Variants in TOPAZ1 observed in about 807,000 individuals in gnomAD.
TOPAZ1 encodes the protein protein TOPAZ1.
A neutral mutation model predicts 172.2 loss-of-function variants in TOPAZ1; 66 were observed. That is an observed-to-expected ratio of 0.38 (90% CI 0.31 to 0.47). The LOEUF (loss-of-function observed/expected upper bound fraction) is 0.47. Among genes scored for constraint, TOPAZ1 ranks in the 20% least tolerant of loss-of-function variants. The pLI, the probability that TOPAZ1 is intolerant of heterozygous loss-of-function variation, is 0.99. For synonymous variants in TOPAZ1, 681 were observed against 683.9 expected, an observed-to-expected ratio of 1.00 and a Z score of 0.07; for missense variants, 1,822 against 1,972.4, an observed-to-expected ratio of 0.92 and a Z score of 1.44.
rs139669319 is a variant in TOPAZ1 at position 44,271,163 on chromosome 3, A to G, written c.3372+353A>G. On this transcript the variant is annotated intron_variant, in intron 8 of 19. Coordinates refer to ENST00000309765, the MANE Select transcript of TOPAZ1 (RefSeq NM_001145030.2). ...ATATGTATACGTTCTGATAGGTTAT[A>G]CTTAAAACTGGAACTGCTGTGTCAT... Among the ~76,000 whole-genome samples the G allele has an allele frequency of 2.1e-3, 314 of 152,266 alleles. 1 individual carries two copies. The highest frequency in any genetic ancestry group is 6.4e-3 in the African/African-American group (265 of 41,562).
intron 12 of TOPAZ1, among the ~76,000 whole-genome samples, chr3:44,302,374 C>T (rs565363341): frequency 1.6e-4 from 24 of 152,282 alleles, no homozygotes; most frequent in African/African-American, 5.8e-4. Context: ...AGCACCACTG[C>T]ACTCCAGCCT....
At chr3:44,282,816 G>T (rs1403383924) in intron 9 of TOPAZ1, among the ~76,000 whole-genome samples, 1 of 151,916 alleles carries the variant, frequency 6.6e-6, no homozygotes, top group African/African-American at 2.4e-5. Flanking sequence ...GTTTTGTTTT[G>T]CTGGTAATAT....
downstream of TOPAZ1, among the ~76,000 whole-genome samples, chr3:44,332,728 AT>A (rs1284299168): frequency 6.6e-6 from 1 of 152,128 alleles, no homozygotes; most frequent in Non-Finnish European, 1.5e-5. Flanking sequence ...TTAAACCGTA[AT>A]TTAAAATTAT....
chr3:44,326,656 A>G (rs1008105847), intron 18 of TOPAZ1, among the ~76,000 whole-genome samples: 1 of 152,122 alleles, frequency 6.6e-6, no homozygotes, highest in Non-Finnish European at 1.5e-5. Flanking sequence ...CCTTGCTTTC[A>G]TGCCAGACTA....
intron 4 of TOPAZ1, among the ~76,000 whole-genome samples, chr3:44,257,379 G>GTGTGTGTGTGTGTT (rs1699721163): frequency 7.3e-6 from 1 of 136,958 alleles, no homozygotes; most frequent in African/African-American, 2.9e-5. Context: ...GTGTGTGTGT[G>GTGTGTGTGTGTGTT]TGTGTGTGTG....
At position 44,242,204 on chromosome 3, in the gene TOPAZ1, A is replaced by G. The variant is rs1272142540; in HGVS notation, c.151A>G (p.Arg51Gly). 6.5e-7 allele frequency: 1 copy of G among 1,544,934 alleles called. No individual in the cohort carries two copies. Among genetic ancestry groups the G allele is most frequent in the Admixed American group, 2.1e-5 (1 of 48,534 alleles). ...GTGCCGGGAAAATAAGCAAAAGAGG[A>G]GAATGGTGGCCCGGGCCACCCCTGG... ...GGCRENKQKRRMVARATPGRG... is the reference protein window; with the variant it reads ...GGCRENKQKRGMVARATPGRG... The change falls in exon 1 of 20, where the codon AGA (arginine) becomes GGA (glycine). Residue 51 changes from arginine to glycine, a missense_variant. This residue lies in a region of TOPAZ1 where 1,489 missense variants were observed against 1,490.8 expected (regional missense o/e 1.00). Coordinates refer to ENST00000309765, the MANE Select transcript of TOPAZ1 (RefSeq NM_001145030.2).
intron 16 of TOPAZ1, among the ~76,000 whole-genome samples, chr3:44,317,748 A>G (rs904177051): frequency 6.6e-6 from 1 of 152,242 alleles, no homozygotes; most frequent in African/African-American, 2.4e-5. Flanking sequence ...GATGAATGCT[A>G]TAACAACTTT....
chr3:44,265,852 A>G (rs1313674153), intron 5 of TOPAZ1, among the ~76,000 whole-genome samples: 1 of 152,200 alleles, frequency 6.6e-6, no homozygotes, highest in Non-Finnish European at 1.5e-5. Context: ...ATCCCTTAAC[A>G]AGAGAGAGCC....
At chr3:44,270,210 G>A (rs1029157968) in intron 7 of TOPAZ1, among the ~76,000 whole-genome samples, 6 of 152,290 alleles carry the variant, frequency 3.9e-5, no homozygotes, top group African/African-American at 1.4e-4. Context: ...GAGAATTTTG[G>A]TTCTAATAAA....
At chr3:44,305,976 T>G (rs944122511) in intron 14 of TOPAZ1, among the ~76,000 whole-genome samples, 3 of 152,238 alleles carry the variant, frequency 2.0e-5, no homozygotes, top group African/African-American at 7.2e-5. Context: ...TCTTTACTAT[T>G]ACAAGTCAAC....
chr3:44,288,593 G>A (rs1334399921), intron 11 of TOPAZ1, among the ~76,000 whole-genome samples: 4 of 152,138 alleles, frequency 2.6e-5, no homozygotes, highest in African/African-American at 9.7e-5. Flanking sequence ...GCTGAGTCAG[G>A]AGAATTGCTT....
intron 18 of TOPAZ1, among the ~76,000 whole-genome samples, chr3:44,327,402 C>G (rs1418178882): frequency 2.0e-5 from 3 of 152,066 alleles, no homozygotes; most frequent in Admixed American, 6.6e-5. Context: ...ATAGGTATTT[C>G]CCTATATATC....
intron 8 of TOPAZ1, among the ~76,000 whole-genome samples, chr3:44,276,472 A>G (rs1028214939): frequency 6.6e-6 from 1 of 152,144 alleles, no homozygotes; most frequent in South Asian, 2.1e-4. Context: ...GTCAAAAATC[A>G]TTTGGCTGTA....
rs760718085 is a variant in TOPAZ1, at chr3:44,243,091, G to A, written c.585G>A (p.Lys195=). 1.1e-4 allele frequency: 166 copies of A among 1,548,502 alleles called. 1 individual carries two copies. Among genetic ancestry groups the A allele is most frequent in the South Asian group, 8.2e-4 (68 of 82,556 alleles). ...AAAATGAGGCTACACAAAATATTAA[G>A]GTTGAATTCCAAGATGAACTGTACA... is the stretch of plus-strand genomic sequence containing the variant. ...ITENEATQNI[K]VEFQDELYKN... is the part of the protein sequence containing the mutation. Residue 195 remains lysine (K), a synonymous_variant, in exon 2 of 20, where the codon AAG becomes AAA. Coordinates refer to ENST00000309765, the MANE Select transcript of TOPAZ1 (RefSeq NM_001145030.2).
chr3:44,254,923 CT>C, intron 2 of TOPAZ1, 44 bp from the exon 3 acceptor site: 1 of 1,402,936 alleles, frequency 7.1e-7, no homozygotes, highest in Non-Finnish European at 9.8e-7. Context: ...GATAGTTCTG[CT>C]TAGAATCTAT....
intron 15 of TOPAZ1, among the ~76,000 whole-genome samples, chr3:44,309,140 C>T (rs1409754838): frequency 6.6e-6 from 1 of 152,230 alleles, no homozygotes; most frequent in Non-Finnish European, 1.5e-5. Flanking sequence ...AGCTTGCTGG[C>T]TCATGGTATA....
At chr3:44,311,868 A>G (rs920798603) in intron 16 of TOPAZ1, among the ~76,000 whole-genome samples, 2 of 152,184 alleles carry the variant, frequency 1.3e-5, no homozygotes, top group African/African-American at 4.8e-5. Flanking sequence ...TAGACTATCA[A>G]AGATCAAAGT....
chr3:44,328,279 T>C lies in TOPAZ1; in HGVS notation c.4705T>C (p.Leu1569=), dbSNP rs114090418. Residue 1569 remains leucine, a synonymous_variant, in exon 19 of 20, where the codon TTG becomes CTG. Transcript: ENST00000309765. ...TCTTTCCTTGGGTTGCTACCCACCATTGGAAGGAAATTTATACCGAAAACT... is the reference window on the plus strand; with the variant it reads ...TCTTTCCTTGGGTTGCTACCCACCACTGGAAGGAAATTTATACCGAAAACT... ...SALSLGCYPP[L]EGNLYRKLLL... 2,465 of 1,511,456 alleles carry C rather than the reference T, an allele frequency of 1.6e-3. 36 individuals carry two copies. The African/African-American group carries it at 0.032, about 19-fold the overall frequency. 93.6% of individuals were successfully genotyped at this position (1,511,456 alleles called of 1,614,324 possible).
intron 2 of TOPAZ1, among the ~76,000 whole-genome samples, chr3:44,251,323 T>G (rs1346177183): frequency 2.0e-5 from 3 of 152,202 alleles, no homozygotes; most frequent in African/African-American, 7.2e-5. Flanking sequence ...AATCTCACTG[T>G]GTTGCCCAAC....
Sources: gnomAD v4.1 joint callset for allele counts (sites outside exome capture counted in the v4.1 genomes callset) on GRCh38, gnomAD v4.1.1 for gene constraint, gnomAD v4.1.1 regional missense constraint, MANE v1.5 for transcripts, NCBI Gene and HGNC (gene_info 2026-07-23, HGNC 2026-07-21) for gene names.